SGSM2: variants seen among roughly 807,000 people sequenced by gnomAD.
The protein encoded by SGSM2 is small G protein signaling modulator 2.
SGSM2 carries 89 observed loss-of-function variants against 126.6 expected under a neutral mutation model. That is an observed-to-expected ratio of 0.70 (90% CI 0.59 to 0.84). The LOEUF is 0.84. SGSM2 is among the 40% of genes least tolerant of loss of function. SGSM2 has a pLI of 0.00. For synonymous variants in SGSM2, 614 were observed against 574.3 expected (o/e 1.07, Z -0.99); for missense variants, 1,404 against 1,416.6 (o/e 0.99, Z 0.14).
rs149845564 is a variant in SGSM2, at chr17:2,371,538, G to A, written c.1577+123G>A. The A allele has an allele frequency of 4.4e-4, 548 of 1,254,874 alleles. 2 individuals are homozygous for A. In the African/African-American group the frequency reaches 7.8e-3, roughly 18 times the overall value. 77.7% of individuals were successfully genotyped at this position (1,254,874 alleles called of 1,614,324 possible). On this transcript the variant is annotated intron_variant, in intron 13 of 23. Coordinates refer to ENST00000268989, the MANE Select transcript of SGSM2 (RefSeq NM_014853.3). ...GGCCTCTAGAGTGGGACAGATCTGG[G>A]TTCAAATTTCACTTTTGCTACCCAC...
At chr17:2,359,797 G>A (rs1043759373) in intron 2 of SGSM2, among the ~76,000 whole-genome samples, 4 of 152,154 alleles carry the variant, frequency 2.6e-5, no homozygotes, top group Admixed American at 6.5e-5. Flanking sequence ...CATGTGATCC[G>A]TGCAGGACAT....
intron 2 of SGSM2, among the ~76,000 whole-genome samples, chr17:2,352,752 C>T (rs1488041418): frequency 6.6e-6 from 1 of 150,676 alleles, no homozygotes; most frequent in South Asian, 2.1e-4. Context: ...ACCCTCCTAA[C>T]CACTGCTGCA....
Position 2,362,020 on chromosome 17 carries a change from C to T in SGSM2, c.297-89C>T, listed in dbSNP as rs920806576. On this transcript the variant is annotated intron_variant, in intron 3 of 23. Transcript: ENST00000268989. This position sits in a 1 kb window ranked among gnomAD's most constrained non-coding sequence, Gnocchi z 4.9. The stretch of plus-strand genomic sequence containing the variant: ...CCCAGTCAGTTCTCTGTGCTCCCAT[C>T]TTGGGGTACCAAGCCCCACTCCCAA... The T allele has an allele frequency of 6.7e-7, 1 of 1,486,336 alleles. No homozygotes were observed. The highest frequency in any genetic ancestry group is 2.1e-5 in the Admixed American group (1 of 48,384). The allele number at this position is 1,486,336 out of a possible 1,614,324, so 92.1% of individuals were successfully genotyped here.
In SGSM2 at chr17:2,375,846, C is replaced by G; in HGVS notation, c.2455C>G (p.Leu819Val). Residue 819 changes from leucine (L) to valine (V), a missense_variant, in exon 18 of 24, where the codon CTT (leucine) becomes GTT (valine). Coordinates refer to ENST00000268989, the MANE Select transcript of SGSM2 (RefSeq NM_014853.3). ...CGGAGAACTGGAGGCCGGAGAGGAG[C>G]TTGCGGCTGTGTGTGCGGCTGCCTA... The part of the protein sequence containing the change: ...QAGELEAGEE[L>V]AAVCAAAYTI... The G allele has an allele frequency of 6.5e-7, 1 of 1,531,328 alleles. No homozygotes were observed. The highest frequency in any genetic ancestry group is 8.7e-7 in the Non-Finnish European group (1 of 1,144,190). The allele number at this position is 1,531,328 out of a possible 1,614,324, so 94.9% of individuals were successfully genotyped here.
chr17:2,376,988 C>T lies in SGSM2; in HGVS notation c.2722C>T (p.Leu908Phe), dbSNP rs1834656650. The change falls in exon 21 of 24, where the codon CTC becomes TTC. Residue 908 changes from leucine to phenylalanine, a missense_variant. Leu to Phe is a conservative substitution (Grantham distance 22). Transcript: ENST00000268989. ...DQLAYSCFSH[L>F]MKRMSQNFPN... ...GCTGGCCTACAGCTGCTTCAGCCAC[C>T]TCATGAAGAGGATGAGCCAGAACTT... The T allele has an allele frequency of 1.2e-6, 2 of 1,613,876 alleles. No individual in the cohort carries two copies. The highest frequency in any genetic ancestry group is 1.7e-6 in the Non-Finnish European group (2 of 1,179,928).
chr17:2,377,759 G>T, intron 21 of SGSM2, 98 bp from the exon 22 acceptor site: 1 of 761,694 alleles, frequency 1.3e-6, no homozygotes, highest in Non-Finnish European at 2.3e-6. Flanking sequence ...CCAGGTTGGG[G>T]ATCGCCTGCA....
At chr17:2,343,828 TG>T (rs1178065332) in intron 2 of SGSM2, among the ~76,000 whole-genome samples, 1 of 152,200 alleles carries the variant, frequency 6.6e-6, no homozygotes, top group Non-Finnish European at 1.5e-5. Context: ...GCGTATTTTT[TG>T]TTCCCCAGGA....
chr17:2,342,813 CTAAAAATACAAAAA>C (rs1338649650), intron 1 of SGSM2, among the ~76,000 whole-genome samples: 5 of 152,128 alleles, frequency 3.3e-5, no homozygotes, highest in African/African-American at 1.2e-4. Flanking sequence ...CCCATCGTTA[CTAAAAATACAAAAA>C]TTAGCAGGGC....
In SGSM2 at chr17:2,337,710, G is replaced by A; in HGVS notation, c.22G>A (p.Val8Ile). The change falls in exon 1 of 24, where the codon GTC becomes ATC. Residue 8 changes from valine (V) to isoleucine (I), a missense_variant. Coordinates refer to ENST00000268989, the MANE Select transcript of SGSM2 (RefSeq NM_014853.3). This position sits in a 1 kb window ranked among gnomAD's most constrained non-coding sequence, Gnocchi z 5.1. The part of the protein sequence containing the change: MGSAEDA[V>I]KEKLLWNVKK... The stretch of plus-strand genomic sequence containing the variant: ...CACCATGGGCAGCGCAGAGGACGCA[G>A]TCAAAGAGAAACTGCTGTGGAACGT... 1 of 1,543,630 alleles carries A rather than the reference G, an allele frequency of 6.5e-7. No individual in the cohort carries two copies. Among genetic ancestry groups the A allele is most frequent in the South Asian group, 1.2e-5 (1 of 84,166 alleles).
intron 8 of SGSM2, 155 bp from the exon 9 acceptor site, chr17:2,364,441 C>A: frequency 2.3e-6 from 2 of 885,912 alleles, no homozygotes; most frequent in Non-Finnish European, 3.5e-6. Flanking sequence ...GCGGGCAGCA[C>A]AGATCTCAGG....
intron 1 of SGSM2, among the ~76,000 whole-genome samples, chr17:2,339,860 CATT>C (rs2064271526): frequency 6.6e-6 from 1 of 152,096 alleles, no homozygotes; most frequent in Non-Finnish European, 1.5e-5. Context: ...GGAGAAGCTT[CATT>C]ATGTCTTTGC....
rs1463956059 is a variant in SGSM2, at chr17:2,375,809, G to A, written c.2418G>A (p.Glu806=). Residue 806 remains glutamate (E), a synonymous_variant, in exon 18 of 24, where the codon GAG becomes GAA. Coordinates refer to ENST00000268989, the MANE Select transcript of SGSM2 (RefSeq NM_014853.3). ...GGGAGCCCCAGGATCCCAGCCAGGA[G>A]AAGCCTCAGGCCGGAGAACTGGAGG... is the stretch of plus-strand genomic sequence containing the variant. ...TLREPQDPSQ[E]KPQAGELEAG... 1 of 1,565,146 alleles carries A rather than the reference G, an allele frequency of 6.4e-7. No individual in the cohort carries two copies. The highest frequency in any genetic ancestry group is 8.7e-7 in the Non-Finnish European group (1 of 1,155,986).
At position 2,373,342 on chromosome 17, in the gene SGSM2, G is replaced by C; in HGVS notation, c.1929G>C (p.Val643=). 1.9e-6 allele frequency: 3 copies of C among 1,612,452 alleles called. No individual in the cohort carries two copies. The African/African-American group carries it at 4.0e-5, about 22-fold the overall frequency. The change falls in exon 17 of 24, where the codon GTG becomes GTC. Residue 643 remains valine, a synonymous_variant. Coordinates refer to ENST00000268989, the MANE Select transcript of SGSM2 (RefSeq NM_014853.3). ...TGGTCTGAGTACAGGTGGACGCAGT[G>C]GTGGCAGCAAGGTACCAGCAGGTGT... ...SKKEMEQVDA[V]VAARYQQVLA...
At chr17:2,354,853 C>T (rs3101409) in intron 2 of SGSM2, among the ~76,000 whole-genome samples, 49,050 of 122,990 alleles carry the variant, frequency 0.4, 11,729 homozygotes, top group East Asian at 0.64. Flanking sequence ...GGGCAGGGAC[C>T]CTATATCTTA....
At chr17:2,358,485 G>A (rs2065171255) in intron 2 of SGSM2, among the ~76,000 whole-genome samples, 1 of 152,204 alleles carries the variant, frequency 6.6e-6, no homozygotes, top group African/African-American at 2.4e-5. Flanking sequence ...TGAGGTGGAA[G>A]GATCACTTGA....
chr17:2,352,866 C>T (rs2064923204), intron 2 of SGSM2, among the ~76,000 whole-genome samples: 1 of 131,240 alleles, frequency 7.6e-6, no homozygotes, highest in Admixed American at 7.4e-5. Context: ...CAAGCTCTGC[C>T]TCCCGGGTTC....
chr17:2,368,179 G>A (rs1007692111), intron 12 of SGSM2, among the ~76,000 whole-genome samples: 2 of 152,148 alleles, frequency 1.3e-5, no homozygotes, highest in African/African-American at 4.8e-5. Context: ...GAATGGAGAG[G>A]TCACCTTTGT....
In SGSM2 at chr17:2,367,150, TTC is replaced by T; in HGVS notation, c.1289-119_1289-118del. ...CTTTCTGGTCCCCTCCCTTCCCCTC[TTC>T]TGTGCCCTGCAGATTCACGATGACC... On this transcript the variant is annotated intron_variant, in intron 11 of 23. Coordinates refer to ENST00000268989, the MANE Select transcript of SGSM2 (RefSeq NM_014853.3). This position sits in a 1 kb window ranked among gnomAD's most constrained non-coding sequence, Gnocchi z 4.0. 1 of 1,182,040 alleles carries T rather than the reference TTC, an allele frequency of 8.5e-7. No homozygotes were observed. The highest frequency in any genetic ancestry group is 1.2e-6 in the Non-Finnish European group (1 of 859,218). The allele number at this position is 1,182,040 out of a possible 1,614,324, so 73.2% of individuals were successfully genotyped here.
rs2064156953 is a variant in SGSM2 at position 2,337,953 on chromosome 17, G to C, written c.57+208G>C. On this transcript the variant is annotated intron_variant, in intron 1 of 23. Transcript: ENST00000268989. The surrounding 1 kb of genome is among the most constrained non-coding windows in gnomAD (Gnocchi z 5.1). ...CCCGGGGGACCCGGCCGGCGCTCCC[G>C]GCTTGTTTGCTTCGCAGCCCCGCAG... is the stretch of plus-strand genomic sequence containing the variant. Among the ~76,000 whole-genome samples the C allele has an allele frequency of 6.6e-6, 1 of 151,990 alleles. No homozygotes were observed. Among genetic ancestry groups the C allele is most frequent in the South Asian group, 2.1e-4 (1 of 4,830 alleles).
Sources: gnomAD v4.1 joint callset for allele counts (sites outside exome capture counted in the v4.1 genomes callset) on GRCh38, gnomAD v4.1.1 for gene constraint, Gnocchi (gnomAD v3.1) non-coding constraint, MANE v1.5 for transcripts, NCBI Gene and HGNC (gene_info 2026-07-23, HGNC 2026-07-21) for gene names.